ATP7B: variants seen among roughly 807,000 people sequenced by gnomAD.
The protein encoded by ATP7B is copper-transporting ATPase 2.
Under a neutral mutation model 118.9 loss-of-function variants are expected in ATP7B, and 113 were observed. That is an observed-to-expected ratio of 0.95 (90% CI 0.82 to 1.11). The LOEUF (loss-of-function observed/expected upper bound fraction) is 1.11, where lower values mean the gene tolerates loss of function less well. ATP7B is among the 50% of genes most tolerant of loss of function. The pLI, the probability that ATP7B is intolerant of heterozygous loss-of-function variation, is 0.00. For missense variants in ATP7B, 1,867 were observed against 1,871.4 expected, an observed-to-expected ratio of 1.00 and a Z score of 0.04; for synonymous variants, 777 against 727.4, an observed-to-expected ratio of 1.07 and a Z score of -1.10.
At chr13:51,948,880 T>TTATA (rs1957821184) in intron 12 of ATP7B, among the ~76,000 whole-genome samples, 1 of 152,148 alleles carries the variant, frequency 6.6e-6, no homozygotes, top group Non-Finnish European at 1.5e-5. Flanking sequence ...TATTTAACTA[T>TTATA]TATAAAAAGC....
intron 5 of ATP7B, among the ~76,000 whole-genome samples, chr13:51,964,447 C>A (rs1031245681): frequency 6.6e-6 from 1 of 152,168 alleles, no homozygotes; most frequent in Non-Finnish European, 1.5e-5. Context: ...CCAAGCTCTC[C>A]ACAACAAGAG....
intron 8 of ATP7B, chr13:51,957,818 A>G (rs1407732089): frequency 3.4e-6 from 2 of 587,592 alleles, no homozygotes; most frequent in East Asian, 2.9e-5. Flanking sequence ...CTGTGCCACT[A>G]AAGTCCGGGA....
At chr13:52,002,490 C>T (rs895945307) in intron 1 of ATP7B, among the ~76,000 whole-genome samples, 13 of 115,870 alleles carry the variant, frequency 1.1e-4, no homozygotes, top group Admixed American at 1.0e-3. Context: ...CACCTGAGCC[C>T]GAGGAGATCC....
At chr13:51,957,165 C>T (rs892641486) in intron 9 of ATP7B, among the ~76,000 whole-genome samples, 27 of 152,166 alleles carry the variant, frequency 1.8e-4, no homozygotes, top group African/African-American at 6.0e-4. Context: ...AGTTGAAGTC[C>T]TTATCTCTCT....
At chr13:51,994,715 T>C (rs1255533191) in intron 1 of ATP7B, among the ~76,000 whole-genome samples, 1 of 152,172 alleles carries the variant, frequency 6.6e-6, no homozygotes, top group African/African-American at 2.4e-5. Flanking sequence ...AAATAAGTCT[T>C]AGAGGAAGCA....
At chr13:51,957,202 G>A (rs1054174646) in intron 9 of ATP7B, among the ~76,000 whole-genome samples, 1 of 152,020 alleles carries the variant, frequency 6.6e-6, no homozygotes, top group African/African-American at 2.4e-5. Context: ...ATCTTACTAG[G>A]AAGGCCTAAT....
intron 1 of ATP7B, among the ~76,000 whole-genome samples, chr13:51,980,258 C>T (rs182669211): frequency 8.5e-5 from 13 of 152,282 alleles, no homozygotes; most frequent in East Asian, 7.7e-4. Context: ...GCACTCCTTA[C>T]GGACAGACAT....
At chr13:51,979,393 CT>C (rs1431271962) in intron 1 of ATP7B, among the ~76,000 whole-genome samples, 1 of 152,170 alleles carries the variant, frequency 6.6e-6, no homozygotes, top group Non-Finnish European at 1.5e-5. Context: ...GATTAGGCAG[CT>C]GAAGGGGACC....
At chr13:51,972,864 G>C (rs954829946) in intron 2 of ATP7B, among the ~76,000 whole-genome samples, 1 of 152,034 alleles carries the variant, frequency 6.6e-6, no homozygotes, top group South Asian at 2.1e-4. Context: ...AAATGAGCCC[G>C]GTGTGGTGGT....
chr13:51,949,615 G>C, intron 12 of ATP7B, 47 bp downstream of exon 12: 1 of 1,601,732 alleles, frequency 6.2e-7, no homozygotes, highest in Admixed American at 1.7e-5. Context: ...AATGTCAGTA[G>C]ATTATTTAAA....
chr13:51,966,946 C>T (rs1365740322), intron 4 of ATP7B: 25 of 1,613,222 alleles, frequency 1.5e-5, no homozygotes, highest in Non-Finnish European at 2.1e-5. Flanking sequence ...TTCTTGTACC[C>T]TGGGAGATGA....
In ATP7B at chr13:51,960,377, T is replaced by C. The variant is rs904580601; in HGVS notation, c.1947-55A>G. 6 of 1,575,696 alleles carry C rather than the reference T, an allele frequency of 3.8e-6. No individual in the cohort carries two copies. The East Asian group carries it at 1.4e-4, about 37-fold the overall frequency. ...ATCAGATGCTGCTTGTCACCTGGATTACAAGCCACTCCCCTTCTGAGGACA... is the reference window on the plus strand; with the variant it reads ...ATCAGATGCTGCTTGTCACCTGGATCACAAGCCACTCCCCTTCTGAGGACA... On this transcript the variant is annotated intron_variant, in intron 6 of 20. Transcript: ENST00000242839.
At position 51,968,430 on chromosome 13, in the gene ATP7B, C is replaced by G. The variant is rs1280787983; in HGVS notation, c.1707+14G>C. On this transcript the variant is annotated intron_variant, in intron 4 of 20. Coordinates refer to ENST00000242839, the MANE Select transcript of ATP7B (RefSeq NM_000053.4). ...CAGAAGCCTGTAACCCCGTAACGCA[C>G]CCACAGTACTTACTGTCAGCTCAAT... The G allele has an allele frequency of 6.2e-7, 1 of 1,614,070 alleles. No individual in the cohort carries two copies. Among genetic ancestry groups the G allele is most frequent in the Non-Finnish European group, 8.5e-7 (1 of 1,180,040 alleles).
chr13:51,937,543 T>C lies in ATP7B; in HGVS notation c.3836A>G (p.Asp1279Gly), dbSNP rs778914828. 6.2e-7 allele frequency: 1 copy of C among 1,614,270 alleles called. No individual in the cohort carries two copies. The highest frequency in any genetic ancestry group is 1.7e-5 in the Admixed American group (1 of 60,034). Residue 1279 changes from aspartate to glycine, a missense_variant, in exon 18 of 21, where the codon GAC becomes GGC. Transcript: ENST00000242839. ...GCCGGTGCCAATGGCCACACCCATG[T>C]CTGCCTGGGCCAAGGCCGGGGAGTC... is the stretch of plus-strand genomic sequence containing the variant. Reference protein sequence around the residue: ...VNDSPALAQADMGVAIGTGTD... With the variant: ...VNDSPALAQAGMGVAIGTGTD...
intron 8 of ATP7B, 46 bp from the exon 9 acceptor site, chr13:51,957,653 C>T: frequency 6.4e-7 from 1 of 1,566,228 alleles, no homozygotes; most frequent in African/African-American, 1.4e-5. Context: ...GAAAGCAGAC[C>T]TGTCCAAACC....
At chr13:52,009,970 T>C (rs1480591942) in intron 1 of ATP7B, among the ~76,000 whole-genome samples, 6 of 152,158 alleles carry the variant, frequency 3.9e-5, no homozygotes, top group African/African-American at 1.2e-4. Context: ...GTAAGCTCAA[T>C]AACGCTGGTC....
chr13:51,967,038 G>A, intron 4 of ATP7B: 1 of 1,610,924 alleles, frequency 6.2e-7, no homozygotes, highest in Non-Finnish European at 8.5e-7. Flanking sequence ...AGCATCAGGA[G>A]TGGGATGGGA....
chr13:51,975,784 G>T (rs1269900327), intron 1 of ATP7B, among the ~76,000 whole-genome samples: 1 of 152,232 alleles, frequency 6.6e-6, no homozygotes, highest in African/African-American at 2.4e-5. Flanking sequence ...TGGGCCACAT[G>T]CCTGTGAAAA....
intron 9 of ATP7B, among the ~76,000 whole-genome samples, chr13:51,950,942 C>T (rs1470215814): frequency 3.9e-5 from 6 of 152,206 alleles, no homozygotes; most frequent in Non-Finnish European, 5.9e-5. Context: ...AAGTAAGTGA[C>T]GTGCAAGTTG....
Sources: gnomAD v4.1 joint callset for allele counts (sites outside exome capture counted in the v4.1 genomes callset) on GRCh38, gnomAD v4.1.1 for gene constraint, MANE v1.5 for transcripts, NCBI Gene and HGNC (gene_info 2026-07-23, HGNC 2026-07-21) for gene names.